MAGI1: variants seen among roughly 807,000 people sequenced by gnomAD.
MAGI1 encodes membrane-associated guanylate kinase, WW and PDZ domain-containing protein 1.
In MAGI1, 58 loss-of-function variants were observed where a neutral mutation model predicts 139.9. The ratio of observed to expected loss-of-function variants is 0.41; its 90% CI spans 0.34 to 0.52. The LOEUF is 0.52. Among genes scored for constraint, MAGI1 ranks in the 20% least tolerant of loss-of-function variants. The probability of loss-of-function intolerance (pLI) is 0.12; values close to 1 mark genes in which losing one functional copy is unlikely to be tolerated. For missense variants in MAGI1, 1,874 were observed against 1,901.6 expected (o/e 0.99, Z 0.27); for synonymous variants, 812 against 737.9 (o/e 1.10, Z -1.63).
At chr3:65,935,759 C>T (rs1427593213) in intron 1 of MAGI1, among the ~76,000 whole-genome samples, 1 of 152,262 alleles carries the variant, frequency 6.6e-6, no homozygotes, top group Non-Finnish European at 1.5e-5. Flanking sequence ...TTGCCACTTC[C>T]ACCTTCCTGC....
chr3:65,759,266 T>A (rs778437916), intron 1 of MAGI1, among the ~76,000 whole-genome samples: 3 of 152,140 alleles, frequency 2.0e-5, no homozygotes, highest in Non-Finnish European at 4.4e-5. Context: ...GCTAAAATTG[T>A]AACCATCTCA....
chr3:65,715,068 A>T (rs955878033), intron 1 of MAGI1, among the ~76,000 whole-genome samples: 1 of 152,144 alleles, frequency 6.6e-6, no homozygotes, highest in Non-Finnish European at 1.5e-5. Flanking sequence ...ATCATACAAA[A>T]AAAGAAGGTG....
chr3:66,021,766 G>A (rs1216492317), intron 1 of MAGI1, among the ~76,000 whole-genome samples: 1 of 152,140 alleles, frequency 6.6e-6, no homozygotes, highest in African/African-American at 2.4e-5. Context: ...CTCTTTGGAG[G>A]TGGAGTATCA....
chr3:65,713,277 A>G (rs1006648585), intron 1 of MAGI1, among the ~76,000 whole-genome samples: 1 of 152,108 alleles, frequency 6.6e-6, no homozygotes, highest in African/African-American at 2.4e-5. Flanking sequence ...ATCACCATGG[A>G]AACTAGCCCG....
intron 1 of MAGI1, among the ~76,000 whole-genome samples, chr3:65,780,504 C>T (rs264112): frequency 0.98 from 149,101 of 152,298 alleles, 73,080 homozygotes; most frequent in Middle Eastern, 1. Flanking sequence ...GAGAAGAGCC[C>T]TGGAGAGCTA....
chr3:65,655,125 T>C (rs1026193010), intron 1 of MAGI1, among the ~76,000 whole-genome samples: 4 of 152,138 alleles, frequency 2.6e-5, no homozygotes, highest in African/African-American at 9.7e-5. Context: ...TTCCTACCAG[T>C]GTAAAGCAGG....
intron 1 of MAGI1, among the ~76,000 whole-genome samples, chr3:65,922,806 T>G (rs1225252029): frequency 5.3e-5 from 8 of 152,196 alleles, no homozygotes; most frequent in Non-Finnish European, 1.0e-4. Flanking sequence ...AACCAGCCAG[T>G]TGGAAGTTCA....
chr3:65,767,810 T>A (rs977613303), intron 1 of MAGI1, among the ~76,000 whole-genome samples: 2 of 152,208 alleles, frequency 1.3e-5, no homozygotes, highest in African/African-American at 2.4e-5. Flanking sequence ...CTAGCTGGCA[T>A]GAAAGGGAAA....
At chr3:65,925,929 C>T (rs1354125666) in intron 1 of MAGI1, among the ~76,000 whole-genome samples, 1 of 152,204 alleles carries the variant, frequency 6.6e-6, no homozygotes, top group African/African-American at 2.4e-5. Context: ...CCACCTGCCT[C>T]AGCCTCCCAA....
At chr3:66,012,273 A>G (rs944262534) in intron 1 of MAGI1, among the ~76,000 whole-genome samples, 1 of 152,166 alleles carries the variant, frequency 6.6e-6, no homozygotes, top group African/African-American at 2.4e-5. Context: ...TTATTTTTTT[A>G]GCAGAGGGCA....
chr3:65,808,638 A>T (rs2041026096), intron 1 of MAGI1, among the ~76,000 whole-genome samples: 1 of 152,198 alleles, frequency 6.6e-6, no homozygotes, highest in African/African-American at 2.4e-5. Context: ...CTCAGCAGGA[A>T]CTGACACAAG....
intron 1 of MAGI1, among the ~76,000 whole-genome samples, chr3:65,996,540 AG>A (rs55913122): frequency 0.14 from 17,651 of 125,960 alleles, 1,611 homozygotes; most frequent in African/African-American, 0.25. Context: ...TGAAAAACTA[AG>A]GGGGGGGGGG....
At chr3:65,856,318 TTC>T (rs10575026) in intron 1 of MAGI1, among the ~76,000 whole-genome samples, 57,918 of 151,540 alleles carry the variant, frequency 0.38, 11,564 homozygotes, top group Middle Eastern at 0.5. Context: ...ACTCATAACT[TTC>T]TCTATACCAA....
intron 6 of MAGI1, among the ~76,000 whole-genome samples, chr3:65,448,576 CT>C (rs1948817900): frequency 6.6e-6 from 1 of 152,008 alleles, no homozygotes; most frequent in Non-Finnish European, 1.5e-5. Context: ...ACTTTGATGT[CT>C]TTCAAAAAGG....
At chr3:65,407,401 C>G (rs933417087) in intron 12 of MAGI1, among the ~76,000 whole-genome samples, 2 of 149,712 alleles carry the variant, frequency 1.3e-5, no homozygotes, top group Non-Finnish European at 3.0e-5. Flanking sequence ...GAGCCAAGAT[C>G]ACACCACTGC....
At chr3:65,427,666 G>A (rs1489366145) in intron 12 of MAGI1, among the ~76,000 whole-genome samples, 1 of 152,132 alleles carries the variant, frequency 6.6e-6, no homozygotes, top group Non-Finnish European at 1.5e-5. Context: ...GTTAAGTAGG[G>A]CAGAACATTG....
Position 65,669,885 on chromosome 3 carries a change from T to TA in MAGI1, c.314-47798dup, listed in dbSNP as rs1333206114. Among the ~76,000 whole-genome samples, 3 of 152,326 alleles carry TA rather than the reference T, an allele frequency of 2.0e-5. No homozygotes were observed. In the East Asian group the frequency reaches 5.8e-4, roughly 29 times the overall value. ...TGTGCTGTTGTCGGTCCCTTTCAAT[T>TA]AGAGCACAAACAAGATCAATTTTTT... On this transcript the variant is annotated intron_variant, in intron 1 of 22. Coordinates refer to ENST00000402939, the MANE Select transcript of MAGI1 (RefSeq NM_001033057.2).
chr3:65,963,770 A>G (rs1389450528), intron 1 of MAGI1, among the ~76,000 whole-genome samples: 2 of 152,252 alleles, frequency 1.3e-5, no homozygotes, highest in East Asian at 3.9e-4. Context: ...CTCCCAAAAC[A>G]GGAGAAAAAT....
chr3:65,466,363 CTATG>C (rs1950175381), intron 5 of MAGI1, among the ~76,000 whole-genome samples: 1 of 152,102 alleles, frequency 6.6e-6, no homozygotes, highest in Non-Finnish European at 1.5e-5. Flanking sequence ...CTTAAACCTT[CTATG>C]GGCTTTTCCT....
Sources: gnomAD v4.1 joint callset for allele counts (sites outside exome capture counted in the v4.1 genomes callset) on GRCh38, gnomAD v4.1.1 for gene constraint, MANE v1.5 for transcripts, NCBI Gene and HGNC (gene_info 2026-07-23, HGNC 2026-07-21) for gene names.